FAM13A: variants seen among roughly 807,000 people sequenced by gnomAD.
FAM13A encodes protein FAM13A.
In FAM13A, 76 loss-of-function variants were observed where a neutral mutation model predicts 129.6. The ratio of observed to expected loss-of-function variants is 0.59; its 90% CI spans 0.49 to 0.71. The LOEUF (loss-of-function observed/expected upper bound fraction) is 0.71. Ranked by LOEUF, FAM13A falls within the 30% of genes least tolerant of loss-of-function variation. The pLI, the probability that FAM13A is intolerant of heterozygous loss-of-function variation, is 0.00. For missense variants in FAM13A, 1,108 were observed against 1,249.3 expected (o/e 0.89, Z 1.70); for synonymous variants, 443 against 449.9 (o/e 0.98, Z 0.20).
chr4:88,955,891 T>C (rs1315659625), intron 4 of FAM13A, among the ~76,000 whole-genome samples: 1 of 151,986 alleles, frequency 6.6e-6, no homozygotes, highest in Non-Finnish European at 1.5e-5. Flanking sequence ...GATGATGCAA[T>C]AGAAAAGAAA....
chr4:88,746,415 G>C (rs1560873020), intron 19 of FAM13A, among the ~76,000 whole-genome samples: 1 of 152,190 alleles, frequency 6.6e-6, no homozygotes, highest in Non-Finnish European at 1.5e-5. Flanking sequence ...CCATATTTTG[G>C]ATTCCTCACG....
chr4:88,949,636 A>G (rs530004130), intron 4 of FAM13A, among the ~76,000 whole-genome samples: 2 of 152,268 alleles, frequency 1.3e-5, no homozygotes, highest in South Asian at 4.1e-4. Context: ...TTTTCAAAAG[A>G]TAACATTCAA....
intron 7 of FAM13A, among the ~76,000 whole-genome samples, chr4:88,831,886 AT>A (rs148605293): frequency 1.6e-4 from 24 of 151,564 alleles, no homozygotes; most frequent in South Asian, 4.2e-4. Context: ...CAGAATTAGA[AT>A]TTTTTTTTAA....
chr4:88,922,749 A>T (rs1751346823), intron 5 of FAM13A, among the ~76,000 whole-genome samples: 1 of 152,210 alleles, frequency 6.6e-6, no homozygotes, highest in African/African-American at 2.4e-5. Context: ...TCAAAAAATT[A>T]ATGAATCCAG....
intron 7 of FAM13A, among the ~76,000 whole-genome samples, chr4:88,838,949 G>T (rs1735330272): frequency 6.6e-6 from 1 of 151,838 alleles, no homozygotes; most frequent in Admixed American, 6.6e-5. Flanking sequence ...CCTGTTCACA[G>T]CATTTTTTCA....
intron 6 of FAM13A, among the ~76,000 whole-genome samples, chr4:88,869,897 C>A (rs1741061094): frequency 6.6e-6 from 1 of 152,146 alleles, no homozygotes; most frequent in Admixed American, 6.5e-5. Flanking sequence ...AACATGCAAG[C>A]AAAATCAATA....
intron 11 of FAM13A, among the ~76,000 whole-genome samples, chr4:88,770,878 A>G (rs1195879005): frequency 6.6e-6 from 1 of 152,196 alleles, no homozygotes; most frequent in Non-Finnish European, 1.5e-5. Context: ...TACATGTTTT[A>G]TCCATATGTT....
At chr4:88,843,510 G>A (rs973623355) in intron 7 of FAM13A, among the ~76,000 whole-genome samples, 1 of 152,194 alleles carries the variant, frequency 6.6e-6, no homozygotes, top group African/African-American at 2.4e-5. Flanking sequence ...AGTAATTGGA[G>A]TGCCCTTTAT....
chr4:88,741,511 G>C (rs1003345725), intron 19 of FAM13A, among the ~76,000 whole-genome samples: 2 of 152,218 alleles, frequency 1.3e-5, no homozygotes, highest in African/African-American at 4.8e-5. Flanking sequence ...GGGAACATGA[G>C]CAAGGCTTCT....
At chr4:88,826,905 T>A (rs549179589) in intron 7 of FAM13A, among the ~76,000 whole-genome samples, 2 of 152,328 alleles carry the variant, frequency 1.3e-5, no homozygotes, top group East Asian at 3.9e-4. Flanking sequence ...TCCTCCCTTC[T>A]GACAGGCAAC....
Position 88,851,081 on chromosome 4 carries a change from T to C in FAM13A, c.946A>G (p.Lys316Glu). ...PQLSLRLSYR[K>E]ACLEDMNSAE... ...GAATTCATGTCTTCCAAGCAGGCTT[T>C]TCTATAACTTAGCCGCAAGCTGAGC... is the stretch of plus-strand genomic sequence containing the variant. The change falls in exon 7 of 24, where the codon AAA becomes GAA. Residue 316 changes from lysine to glutamate, a missense_variant. Coordinates refer to ENST00000264344, the MANE Select transcript of FAM13A (RefSeq NM_014883.4). 1 of 1,614,082 alleles carries C rather than the reference T, an allele frequency of 6.2e-7. No homozygotes were observed. The highest frequency in any genetic ancestry group is 8.5e-7 in the Non-Finnish European group (1 of 1,180,014).
intron 5 of FAM13A, among the ~76,000 whole-genome samples, chr4:88,920,300 A>C (rs931086520): frequency 1.3e-5 from 2 of 152,126 alleles, no homozygotes; most frequent in Non-Finnish European, 2.9e-5. Context: ...GAGGCACCCC[A>C]TAGTAGGGGC....
At chr4:88,990,702 C>A in intron 4 of FAM13A, 1 of 311,118 alleles carries the variant, frequency 3.2e-6, no homozygotes. Context: ...TTTTAAATGC[C>A]CCTTTTAATT....
At chr4:88,865,964 T>C (rs1161886846) in intron 6 of FAM13A, among the ~76,000 whole-genome samples, 1 of 140,362 alleles carries the variant, frequency 7.1e-6, no homozygotes, top group East Asian at 2.3e-4. Flanking sequence ...GTCTGCCTCC[T>C]GGGTTCAAGC....
chr4:88,979,350 TTAAG>T (rs1164440460), intron 4 of FAM13A, among the ~76,000 whole-genome samples: 3 of 151,592 alleles, frequency 2.0e-5, no homozygotes, highest in Non-Finnish European at 4.4e-5. Flanking sequence ...ACAAAAATAA[TTAAG>T]TAAGTGTGAA....
chr4:88,980,589 ATATAAT>A (rs35474287), intron 4 of FAM13A, among the ~76,000 whole-genome samples: 102,154 of 151,532 alleles, frequency 0.67, 34,462 homozygotes, highest in Middle Eastern at 0.79. Context: ...TCAATAACAA[ATATAAT>A]TATGCTAAAA....
At chr4:88,828,286 G>T (rs556340469) in intron 7 of FAM13A, among the ~76,000 whole-genome samples, 1 of 152,026 alleles carries the variant, frequency 6.6e-6, no homozygotes. Context: ...GACCACAGGC[G>T]CATGCTAAAA....
At chr4:88,980,275 G>GTTAGTGGAATAATGGATGTTTTTTA in intron 4 of FAM13A, among the ~76,000 whole-genome samples, 1 of 152,208 alleles carries the variant, frequency 6.6e-6, no homozygotes, top group Admixed American at 6.5e-5. Context: ...CAGGGATTAA[G>GTTAGTGGAATAATGGATGTTTTTTA]TCTGGTTAGT....
At chr4:88,845,009 T>C (rs993341795) in intron 7 of FAM13A, among the ~76,000 whole-genome samples, 3 of 152,000 alleles carry the variant, frequency 2.0e-5, no homozygotes, top group Non-Finnish European at 2.9e-5. Context: ...CCATCACATA[T>C]AGAGTTAAGA....
Sources: allele counts gnomAD v4.1 joint callset (sites outside exome capture counted in the v4.1 genomes callset), GRCh38; gene constraint gnomAD v4.1.1; transcripts MANE v1.5; gene names NCBI Gene and HGNC (gene_info 2026-07-23, HGNC 2026-07-21).